Variants in CCDC186 observed in about 807,000 individuals in gnomAD.
CCDC186 encodes the protein coiled-coil domain-containing protein 186.
In CCDC186, 49 loss-of-function variants were observed where a neutral mutation model predicts 113.7. The ratio of observed to expected loss-of-function variants is 0.43; its 90% CI spans 0.34 to 0.55. The LOEUF is 0.55. CCDC186 is among the 20% of genes least tolerant of loss of function. The pLI, the probability that CCDC186 is intolerant of heterozygous loss-of-function variation, is 0.02. For synonymous variants in CCDC186, 355 were observed against 345.8 expected (o/e 1.03, Z -0.30); for missense variants, 890 against 1,011.1 (o/e 0.88, Z 1.62).
chr10:114,126,012 G>T lies in CCDC186; in HGVS notation c.2487C>A (p.Gly829=). 6.2e-7 allele frequency: 1 copy of T among 1,613,972 alleles called. No homozygotes were observed. Among genetic ancestry groups the T allele is most frequent in the Non-Finnish European group, 8.5e-7 (1 of 1,179,916 alleles). ...GGGATGTATATAAAGATGCCATGAT[G>T]CCACCCCGTCTACTTAAATGAACTT... is the stretch of plus-strand genomic sequence containing the variant. ...FNKVHLSRRG[G]IMASLYTSHP... is the part of the protein sequence containing the mutation. The change falls in exon 15 of 16, where the codon GGC becomes GGA. Residue 829 remains glycine (G), a synonymous_variant. Transcript: ENST00000369287.
chr10:114,142,963 C>T (rs2031525659), intron 6 of CCDC186, among the ~76,000 whole-genome samples: 1 of 152,084 alleles, frequency 6.6e-6, no homozygotes, highest in South Asian at 2.1e-4. Flanking sequence ...ACCGGGAGCC[C>T]ATCTTGGACA....
At chr10:114,172,956 C>T (rs1054544558) in intron 1 of CCDC186, among the ~76,000 whole-genome samples, 3 of 152,136 alleles carry the variant, frequency 2.0e-5, no homozygotes, top group Non-Finnish European at 4.4e-5. Context: ...GAAAGCCACA[C>T]CCACAACTAG....
intron 15 of CCDC186, 88 bp downstream of exon 15, chr10:114,125,798 C>G (rs1478503492): frequency 9.1e-6 from 10 of 1,099,152 alleles, no homozygotes; most frequent in South Asian, 4.4e-5. Flanking sequence ...ATTACAGAAA[C>G]AGCCCAGCTG....
chr10:114,173,846 T>C (rs1185175010), intron 1 of CCDC186, among the ~76,000 whole-genome samples, 169 bp downstream of exon 1: 1 of 152,108 alleles, frequency 6.6e-6, no homozygotes, highest in Non-Finnish European at 1.5e-5. Context: ...CTCCCCTTCC[T>C]CCGCGCCCTC....
At chr10:114,152,712 A>G (rs2031891808) in intron 3 of CCDC186, among the ~76,000 whole-genome samples, 1 of 152,208 alleles carries the variant, frequency 6.6e-6, no homozygotes. Flanking sequence ...AACAGACTTA[A>G]TTAAAGAAAC....
intron 1 of CCDC186, among the ~76,000 whole-genome samples, chr10:114,164,346 C>T (rs1589632727): frequency 1.3e-5 from 2 of 151,824 alleles, no homozygotes; most frequent in African/African-American, 4.8e-5. Context: ...TGGTCTCAAA[C>T]TCCTGACCTC....
intron 6 of CCDC186, among the ~76,000 whole-genome samples, chr10:114,142,245 C>T (rs944084490): frequency 6.6e-6 from 1 of 152,176 alleles, no homozygotes; most frequent in African/African-American, 2.4e-5. Flanking sequence ...ATAAAATACA[C>T]CAAGCCCTTG....
In CCDC186 at chr10:114,131,137, A is replaced by T; in HGVS notation, c.2101+10T>A. 1 of 1,477,088 alleles carries T rather than the reference A, an allele frequency of 6.8e-7. No individual in the cohort carries two copies. The highest frequency in any genetic ancestry group is 9.0e-7 in the Non-Finnish European group (1 of 1,114,494). 91.5% of individuals were successfully genotyped at this position (1,477,088 alleles called of 1,614,324 possible). On this transcript the variant is annotated intron_variant, in intron 12 of 15. Coordinates refer to ENST00000369287, the MANE Select transcript of CCDC186 (RefSeq NM_018017.4). Reference sequence around the variant, plus strand: ...CACATTCATGGTCTAAGTGTGGAAGAATTTTATACCTTGCTGAAGTTGTTT... The same window carrying T: ...CACATTCATGGTCTAAGTGTGGAAGTATTTTATACCTTGCTGAAGTTGTTT...
intron 1 of CCDC186, among the ~76,000 whole-genome samples, chr10:114,169,832 C>CA (rs150595228): frequency 2.0e-3 from 298 of 152,274 alleles, no homozygotes; most frequent in Non-Finnish European, 2.3e-3. Flanking sequence ...TCACAACCCC[C>CA]AAATAACTGA....
intron 1 of CCDC186, chr10:114,173,319 T>A: frequency 2.3e-6 from 1 of 426,920 alleles, no homozygotes; most frequent in Non-Finnish European, 4.8e-6. Flanking sequence ...TGTTAACAGC[T>A]AAGCAATACT....
In CCDC186 at chr10:114,162,909, C is replaced by T; in HGVS notation, c.360G>A (p.Val120=). 4.3e-6 allele frequency: 7 copies of T among 1,613,588 alleles called. No individual in the cohort carries two copies. Among genetic ancestry groups the T allele is most frequent in the Non-Finnish European group, 5.9e-6 (7 of 1,179,874 alleles). The part of the protein sequence containing the change: ...ETEQKVTQIL[V]ELRSSTFPES... ...CTGGAAATGTAGATGACCTTAATTC[C>T]ACCAATATTTGTGTTACTTTCTGTT... Residue 120 remains valine (V), a synonymous_variant, in exon 2 of 16, where the codon GTG becomes GTA. Coordinates refer to ENST00000369287, the MANE Select transcript of CCDC186 (RefSeq NM_018017.4).
intron 1 of CCDC186, chr10:114,165,882 C>CT: frequency 1.1e-6 from 1 of 877,672 alleles, no homozygotes; most frequent in Non-Finnish European, 1.3e-6. Context: ...GGGAGCACAT[C>CT]TTTGAGTCAA....
intron 6 of CCDC186, among the ~76,000 whole-genome samples, chr10:114,139,801 CAGAG>C (rs1328439096): frequency 3.3e-5 from 5 of 151,976 alleles, no homozygotes; most frequent in African/African-American, 1.2e-4. Context: ...GAAAAAGAGA[CAGAG>C]AGAAGGAACT....
Position 114,145,613 on chromosome 10 carries a change from T to G in CCDC186, c.1037A>C (p.Asn346Thr). ...LRDANKELEK[N>T]TNKIKQLSQE... ...AGAAAGCTGCTTAATTTTGTTAGTG[T>G]TTTTCTCAAGTTCCTTATTTGCATC... Residue 346 changes from asparagine (N) to threonine (T), a missense_variant, in exon 5 of 16, where the codon AAC becomes ACC. Physicochemically the swap from Asn to Thr is moderately conservative, Grantham distance 65 (BLOSUM62 0). Transcript: ENST00000369287. The G allele has an allele frequency of 6.2e-7, 1 of 1,613,232 alleles. No homozygotes were observed. The highest frequency in any genetic ancestry group is 8.5e-7 in the Non-Finnish European group (1 of 1,179,890).
chr10:114,165,251 T>C (rs555054738), intron 1 of CCDC186, among the ~76,000 whole-genome samples: 3 of 152,330 alleles, frequency 2.0e-5, no homozygotes, highest in Admixed American at 2.0e-4. Flanking sequence ...ACACTAGTAT[T>C]AAAGGCTTGG....
chr10:114,162,444 G>C (rs562633204), intron 2 of CCDC186, 193 bp downstream of exon 2: 18 of 481,566 alleles, frequency 3.7e-5, no homozygotes, highest in Middle Eastern at 5.5e-4. Flanking sequence ...TTAACATATT[G>C]AACTCAGATA....
At chr10:114,142,903 G>A (rs1266052885) in intron 6 of CCDC186, among the ~76,000 whole-genome samples, 1 of 152,128 alleles carries the variant, frequency 6.6e-6, no homozygotes, top group Non-Finnish European at 1.5e-5. Flanking sequence ...TGTATCCTTT[G>A]ATCCAGGGAC....
rs1382572295 is a variant in CCDC186 at position 114,151,279 on chromosome 10, C to T, written c.760-59G>A. The T allele has an allele frequency of 1.3e-5, 15 of 1,177,878 alleles. No individual in the cohort carries two copies. In the South Asian group the frequency reaches 1.3e-4, roughly 10 times the overall value. 73.0% of individuals were successfully genotyped at this position (1,177,878 alleles called of 1,614,324 possible). On this transcript the variant is annotated intron_variant, in intron 3 of 15. Transcript: ENST00000369287. Reference sequence around the variant, plus strand: ...AGCTATACCAAATACACCACCAATACTGCAAATAAATATAAACAAAGTAAA... The same window carrying T: ...AGCTATACCAAATACACCACCAATATTGCAAATAAATATAAACAAAGTAAA...
rs932820152 is a variant in CCDC186, at chr10:114,123,303, C to G, written c.*1840G>C. The G allele has an allele frequency of 6.6e-6, 1 of 152,408 alleles. No individual in the cohort carries two copies. Among genetic ancestry groups the G allele is most frequent in the Non-Finnish European group, 1.5e-5 (1 of 67,960 alleles). The allele number at this position is 152,408 out of a possible 1,614,324, so 9.4% of individuals were successfully genotyped here. On this transcript the variant is annotated 3_prime_UTR_variant, in exon 16 of 16. Transcript: ENST00000369287. ...TATAACTATTCTAAAAATAAAACAT[C>G]TTTGAACATATATTTTCATTTTGAA...
Sources: gnomAD v4.1 joint callset for allele counts (sites outside exome capture counted in the v4.1 genomes callset) on GRCh38, gnomAD v4.1.1 for gene constraint, MANE v1.5 for transcripts, NCBI Gene and HGNC (gene_info 2026-07-23, HGNC 2026-07-21) for gene names.